The following ADARB2 variants were observed in gnomAD, a reference collection of about 807,000 sequenced individuals.
ADARB2 encodes adenosine deaminase RNA specific B2 (inactive).
Under a neutral mutation model 62.2 loss-of-function variants are expected in ADARB2, and 25 were observed. That is an observed-to-expected ratio of 0.40 (90% CI 0.29 to 0.56). The LOEUF is 0.56. Ranked by LOEUF, ADARB2 falls within the 20% of genes least tolerant of loss-of-function variation. The pLI is 0.43. For missense variants in ADARB2, 1,071 were observed against 1,077.4 expected (o/e 0.99, Z 0.08); for synonymous variants, 572 against 500.8 (o/e 1.14, Z -1.90).
intron 8 of ADARB2, among the ~76,000 whole-genome samples, chr10:1,187,063 C>T (rs991408615): frequency 1.3e-5 from 2 of 152,362 alleles, no homozygotes; most frequent in East Asian, 1.9e-4. Flanking sequence ...CCAACCACTT[C>T]GAAAGTCACC....
chr10:1,557,795 C>T (rs902847760), intron 1 of ADARB2, among the ~76,000 whole-genome samples: 4 of 152,034 alleles, frequency 2.6e-5, no homozygotes, highest in Non-Finnish European at 5.9e-5. Context: ...ATCTGTAATC[C>T]CAGGTACTCT....
At chr10:1,588,661 G>GGCC (rs905523804) in intron 1 of ADARB2, among the ~76,000 whole-genome samples, 10 of 152,044 alleles carry the variant, frequency 6.6e-5, no homozygotes, top group African/African-American at 2.4e-4. Flanking sequence ...GGAGAAAGTG[G>GGCC]GTTCGACAGC....
intron 3 of ADARB2, among the ~76,000 whole-genome samples, chr10:1,308,283 G>A (rs903620827): frequency 1.3e-5 from 2 of 152,060 alleles, no homozygotes; most frequent in Admixed American, 6.6e-5. Flanking sequence ...ATGCTTTCTG[G>A]ATGGACTTAT....
At chr10:1,724,977 A>G (rs1005288890) in intron 1 of ADARB2, among the ~76,000 whole-genome samples, 3 of 152,212 alleles carry the variant, frequency 2.0e-5, no homozygotes, top group Non-Finnish European at 4.4e-5. Flanking sequence ...AGCTGTTAGG[A>G]CAGGATAAGG....
chr10:1,408,650 A>T (rs767688175), intron 1 of ADARB2, among the ~76,000 whole-genome samples: 3 of 151,924 alleles, frequency 2.0e-5, no homozygotes, highest in Non-Finnish European at 4.4e-5. Context: ...CCAGAAAGTC[A>T]CCCTATGGCT....
chr10:1,293,429 C>G (rs1589181631), intron 3 of ADARB2, among the ~76,000 whole-genome samples: 1 of 152,086 alleles, frequency 6.6e-6, no homozygotes, highest in Admixed American at 6.5e-5. Flanking sequence ...GCCCCGTCCT[C>G]CTCTGCCTTT....
intron 1 of ADARB2, among the ~76,000 whole-genome samples, chr10:1,557,253 C>T (rs1272569843): frequency 6.6e-6 from 1 of 152,050 alleles, no homozygotes; most frequent in African/African-American, 2.4e-5. Flanking sequence ...TCTGACTCCC[C>T]GTCCTCCCCT....
Position 1,205,989 on chromosome 10 carries a change from G to A in ADARB2, c.1683-5842C>T, listed in dbSNP as rs368638911. ...GTTGGGGTCAGGTGGGTGTCACGGG[G>A]CAGCCCGCTGGGGTCAGGTGGTTCA... On this transcript the variant is annotated intron_variant, in intron 7 of 9. Coordinates refer to ENST00000381312, the MANE Select transcript of ADARB2 (RefSeq NM_018702.4). Among the ~76,000 whole-genome samples, 62 of 151,806 alleles carry A rather than the reference G, an allele frequency of 4.1e-4. 1 individual carries two copies. Among genetic ancestry groups the A allele is most frequent in the African/African-American group, 1.5e-3 (61 of 41,376 alleles).
Position 1,737,097 on chromosome 10 carries a change from G to C in ADARB2, c.54C>G (p.Leu18=). The change falls in exon 1 of 10, where the codon CTC becomes CTG. Residue 18 remains leucine, a synonymous_variant. Coordinates refer to ENST00000381312, the MANE Select transcript of ADARB2 (RefSeq NM_018702.4). ...TCCTCCTCCTCTTGGACTTGCATTT[G>C]AGTTGACTGCTCAGCCCTCCAGACC... ...GRGSGGLSSQ[L]KCKSKRRRRR... 1 of 1,611,742 alleles carries C rather than the reference G, an allele frequency of 6.2e-7. No individual in the cohort carries two copies. Among genetic ancestry groups the C allele is most frequent in the Non-Finnish European group, 8.5e-7 (1 of 1,179,912 alleles).
intron 1 of ADARB2, among the ~76,000 whole-genome samples, chr10:1,686,909 T>C (rs1834603082): frequency 6.6e-6 from 1 of 152,160 alleles, no homozygotes; most frequent in Non-Finnish European, 1.5e-5. Context: ...GATCAAAGTC[T>C]AAAATGAAGA....
chr10:1,507,350 A>C (rs1831865136), intron 1 of ADARB2, among the ~76,000 whole-genome samples: 1 of 152,164 alleles, frequency 6.6e-6, no homozygotes, highest in Admixed American at 6.5e-5. Context: ...CCCACTGGAG[A>C]GGCTGGCATG....
chr10:1,660,992 C>T lies in ADARB2; in HGVS notation c.100+76059G>A, dbSNP rs1305370913. ...CCCTCTGACCAGAAACATGCCAACC[C>T]TGAGATAACCTCGTCTCCAAACAGA... On this transcript the variant is annotated intron_variant, in intron 1 of 9. Coordinates refer to ENST00000381312, the MANE Select transcript of ADARB2 (RefSeq NM_018702.4). Among the ~76,000 whole-genome samples the T allele has an allele frequency of 7.9e-5, 12 of 152,260 alleles. No homozygotes were observed. The East Asian group carries it at 2.1e-3, about 27-fold the overall frequency.
chr10:1,270,261 A>G (rs781334492), intron 4 of ADARB2, among the ~76,000 whole-genome samples: 1 of 152,198 alleles, frequency 6.6e-6, no homozygotes, highest in Non-Finnish European at 1.5e-5. Flanking sequence ...TTGCCGGCAC[A>G]TGCAGAGCAA....
chr10:1,603,727 G>A lies in ADARB2; in HGVS notation c.100+133324C>T, dbSNP rs72766708. On this transcript the variant is annotated intron_variant, in intron 1 of 9. Transcript: ENST00000381312. Reference sequence around the variant, plus strand: ...TTTTTTACCATTTTCAAATTTTATCGTAAAAAATGGAGTCCTAAAAATTTG... The same window carrying A: ...TTTTTTACCATTTTCAAATTTTATCATAAAAAATGGAGTCCTAAAAATTTG... 9.9e-3 allele frequency among the ~76,000 whole-genome samples: 1,470 copies of A among 148,012 alleles called. 14 individuals are homozygous for A. The highest frequency in any genetic ancestry group is 0.013 in the Non-Finnish European group (844 of 67,180).
chr10:1,451,621 C>A (rs948828726), intron 1 of ADARB2, among the ~76,000 whole-genome samples: 1 of 151,502 alleles, frequency 6.6e-6, no homozygotes, highest in Non-Finnish European at 1.5e-5. Context: ...GGGGACACAC[C>A]TTCCTGAGAA....
At chr10:1,557,442 G>A (rs967597730) in intron 1 of ADARB2, among the ~76,000 whole-genome samples, 1 of 152,180 alleles carries the variant, frequency 6.6e-6, no homozygotes, top group South Asian at 2.1e-4. Flanking sequence ...TCGCAGCCAC[G>A]GTCCTCCAAC....
At chr10:1,482,203 A>G (rs1053110227) in intron 1 of ADARB2, among the ~76,000 whole-genome samples, 4 of 152,224 alleles carry the variant, frequency 2.6e-5, no homozygotes, top group Admixed American at 6.5e-5. Flanking sequence ...TGGGAAAAGT[A>G]AGCATGATTC....
intron 1 of ADARB2, among the ~76,000 whole-genome samples, chr10:1,711,571 A>C (rs1834949362): frequency 6.6e-6 from 1 of 152,232 alleles, no homozygotes; most frequent in African/African-American, 2.4e-5. Flanking sequence ...AAACGTGAGA[A>C]TAACAAGAGA....
intron 1 of ADARB2, among the ~76,000 whole-genome samples, chr10:1,577,921 G>T (rs987597657): frequency 6.6e-6 from 1 of 152,202 alleles, no homozygotes; most frequent in Non-Finnish European, 1.5e-5. Context: ...ACAACCAGAG[G>T]GACAACCCTG....
Sources: allele counts gnomAD v4.1 joint callset (sites outside exome capture counted in the v4.1 genomes callset), GRCh38; gene constraint gnomAD v4.1.1; transcripts MANE v1.5; gene names NCBI Gene and HGNC (gene_info 2026-07-23, HGNC 2026-07-21).